Variants in EXPH5 observed in about 807,000 individuals in gnomAD.
EXPH5 encodes the protein exophilin-5.
A neutral mutation model predicts 41.1 loss-of-function variants in EXPH5; 42 were observed. The observed-to-expected ratio is 1.02, with a 90% CI of 0.80 to 1.32. The LOEUF (loss-of-function observed/expected upper bound fraction) is 1.32, where lower values mean the gene tolerates loss of function less well. EXPH5 is among the 40% of genes most tolerant of loss of function. EXPH5 has a pLI of 0.00. For missense variants in EXPH5, 2,298 were observed against 2,314.5 expected (o/e 0.99, Z 0.15); for synonymous variants, 798 against 833.5 (o/e 0.96, Z 0.73).
chr11:108,584,603 A>G (rs1350146690), intron 1 of EXPH5, among the ~76,000 whole-genome samples: 1 of 152,228 alleles, frequency 6.6e-6, no homozygotes, highest in African/African-American at 2.4e-5. Context: ...AGCAGAGTCC[A>G]AAAATGGACT....
intron 1 of EXPH5, among the ~76,000 whole-genome samples, chr11:108,568,514 C>T (rs117743370): frequency 0.018 from 2,678 of 152,278 alleles, 42 homozygotes; most frequent in Middle Eastern, 0.027. Context: ...ACACCTCCCC[C>T]CAACCCCCAG....
At chr11:108,607,144 T>C in the EXPH5 span, among the ~76,000 whole-genome samples, 1 of 152,154 alleles carries the variant, frequency 6.6e-6, no homozygotes, top group Non-Finnish European at 1.5e-5. Flanking sequence ...TAACATATGT[T>C]AGGAAAAGAG....
chr11:108,600,093 A>G, the EXPH5 span, among the ~76,000 whole-genome samples: 2 of 152,176 alleles, frequency 1.3e-5, no homozygotes, highest in African/African-American at 2.4e-5. Context: ...TCTATATTGT[A>G]TGGAGATGGG....
the EXPH5 span, among the ~76,000 whole-genome samples, chr11:108,607,109 A>T: frequency 1.3e-5 from 2 of 152,196 alleles, no homozygotes; most frequent in African/African-American, 2.4e-5. Flanking sequence ...TAAACATAAA[A>T]ATCACTAATG....
At chr11:108,565,005 A>G (rs2094028681) in intron 1 of EXPH5, among the ~76,000 whole-genome samples, 2 of 149,192 alleles carry the variant, frequency 1.3e-5, no homozygotes, top group Non-Finnish European at 3.0e-5. Context: ...TCCCGGGTTG[A>G]AGCTATTCTC....
Position 108,513,225 on chromosome 11 carries a change from G to C in EXPH5, c.2282C>G (p.Ser761Cys). The C allele has an allele frequency of 6.2e-7, 1 of 1,613,666 alleles. No individual in the cohort carries two copies. The highest frequency in any genetic ancestry group is 8.5e-7 in the Non-Finnish European group (1 of 1,179,880). ...TGACTTTTTTGAACTTATTATGGTA[G>C]ATGCATTAAAACCAAACCCGTTGCT... Reference protein sequence around the residue: ...AKSNGFGFNASTIISSKKSPR... With the variant: ...AKSNGFGFNACTIISSKKSPR... Residue 761 changes from serine (S) to cysteine (C), a missense_variant, in exon 6 of 6, where the codon TCT (serine) becomes TGT (cysteine). Physicochemically the swap from Ser to Cys is moderately radical, Grantham distance 112. Coordinates refer to ENST00000265843, the MANE Select transcript of EXPH5 (RefSeq NM_015065.3).
intron 4 of EXPH5, among the ~76,000 whole-genome samples, chr11:108,524,900 T>C (rs1396336499): frequency 6.6e-6 from 1 of 152,208 alleles, no homozygotes; most frequent in Admixed American, 6.5e-5. Context: ...CACAGCCTGA[T>C]ATGGTTCGGT....
chr11:108,578,856 C>A (rs1355254718), intron 1 of EXPH5, among the ~76,000 whole-genome samples: 2 of 152,132 alleles, frequency 1.3e-5, no homozygotes. Flanking sequence ...GATTTTGTAT[C>A]CTGCAACTTG....
the EXPH5 span, among the ~76,000 whole-genome samples, chr11:108,606,597 TA>T: frequency 6.6e-6 from 1 of 152,146 alleles, no homozygotes; most frequent in Non-Finnish European, 1.5e-5. Flanking sequence ...GGTTTTATAA[TA>T]AGCCCTTTAA....
chr11:108,601,429 A>G, the EXPH5 span, among the ~76,000 whole-genome samples: 1 of 152,192 alleles, frequency 6.6e-6, no homozygotes, highest in African/African-American at 2.4e-5. Flanking sequence ...TGACTAAGAA[A>G]TGGTCACATA....
At chr11:108,601,850 G>A in the EXPH5 span, among the ~76,000 whole-genome samples, 1 of 152,038 alleles carries the variant, frequency 6.6e-6, no homozygotes, top group Admixed American at 6.6e-5. Context: ...TTGGGCTCAA[G>A]CCATCCTCCC....
Position 108,510,485 on chromosome 11 carries a change from G to A in EXPH5, c.5022C>T (p.Pro1674=). Residue 1674 remains proline (P), a synonymous_variant, in exon 6 of 6, where the codon CCC becomes CCT. Transcript: ENST00000265843. The part of the protein sequence containing the change: ...KHVKKSENLL[P]ITVLPNREPS... ...GTTCTCTGTTGGGTAGTACAGTAAT[G>A]GGGAGAAGGTTCTCGGATTTCTTCA... is the stretch of plus-strand genomic sequence containing the variant. 1.2e-6 allele frequency: 2 copies of A among 1,614,050 alleles called. No individual in the cohort carries two copies. Among genetic ancestry groups the A allele is most frequent in the South Asian group, 1.1e-5 (1 of 91,058 alleles).
At position 108,557,731 on chromosome 11, in the gene EXPH5, G is replaced by A. The variant is rs186876077; in HGVS notation, c.120-15919C>T. 3.1e-3 allele frequency among the ~76,000 whole-genome samples: 469 copies of A among 152,182 alleles called. 4 individuals carry two copies. The highest frequency in any genetic ancestry group is 3.4e-3 in the Middle Eastern group (1 of 294). ...TACTTTCTTATTGATTATATCTCTT[G>A]TAGCCCATTAAAACATAAACTACAA... On this transcript the variant is annotated intron_variant, in intron 1 of 5. Coordinates refer to ENST00000265843, the MANE Select transcript of EXPH5 (RefSeq NM_015065.3).
chr11:108,542,097 C>A (rs1203827473), intron 1 of EXPH5, among the ~76,000 whole-genome samples: 1 of 152,100 alleles, frequency 6.6e-6, no homozygotes, highest in Non-Finnish European at 1.5e-5. Flanking sequence ...CCAGGCTGGT[C>A]TCGAACTCCT....
chr11:108,513,924 T>C lies in EXPH5; in HGVS notation c.1583A>G (p.Glu528Gly). The C allele has an allele frequency of 6.2e-7, 1 of 1,609,548 alleles. No individual in the cohort carries two copies. The highest frequency in any genetic ancestry group is 8.5e-7 in the Non-Finnish European group (1 of 1,178,194). Residue 528 changes from glutamate (E) to glycine (G), a missense_variant, in exon 6 of 6, where the codon GAA becomes GGA. Transcript: ENST00000265843. ...ACCAGAAGAAAATGATTCCCAGTGTTCAGAAGAAACATTATGGCCATGAAT... is the reference window on the plus strand; with the variant it reads ...ACCAGAAGAAAATGATTCCCAGTGTCCAGAAGAAACATTATGGCCATGAAT... ...SAIHGHNVSS[E>G]HWESFSSGYG...
chr11:108,548,775 G>A (rs2093950709), intron 1 of EXPH5, among the ~76,000 whole-genome samples: 1 of 152,064 alleles, frequency 6.6e-6, no homozygotes, highest in Non-Finnish European at 1.5e-5. Context: ...CTGAGCTTCT[G>A]GTACTAAAAG....
intron 3 of EXPH5, among the ~76,000 whole-genome samples, chr11:108,536,682 G>A (rs1446277902): frequency 6.6e-6 from 1 of 152,134 alleles, no homozygotes. Context: ...GGGCCTTAAA[G>A]GGAACAAGTG....
chr11:108,506,834 T>C lies in EXPH5; in HGVS notation c.*2703A>G, dbSNP rs955571114. ...GGCGAAACCCCGTCTCTGCTAAAAA[T>C]ACAAAAATTAGCTGGGCGTGGTGGT... On this transcript the variant is annotated 3_prime_UTR_variant, in exon 6 of 6. Coordinates refer to ENST00000265843, the MANE Select transcript of EXPH5 (RefSeq NM_015065.3). 6.6e-6 allele frequency: 1 copy of C among 151,922 alleles called. No individual in the cohort carries two copies. Among genetic ancestry groups the C allele is most frequent in the Non-Finnish European group, 1.5e-5 (1 of 68,034 alleles). The allele number at this position is 151,922 out of a possible 1,614,324, so 9.4% of individuals were successfully genotyped here.
At chr11:108,537,947 G>A (rs2846405) in intron 3 of EXPH5, 984,312 of 984,728 alleles carry the variant, frequency 1, 491,950 homozygotes, top group Middle Eastern at 1. Flanking sequence ...AATTTTTACA[G>A]AGAAAAACGA....
Sources: allele counts gnomAD v4.1 joint callset (sites outside exome capture counted in the v4.1 genomes callset), GRCh38; gene constraint gnomAD v4.1.1; transcripts MANE v1.5; gene names NCBI Gene and HGNC (gene_info 2026-07-23, HGNC 2026-07-21).